The following SLC39A12 variants were observed in gnomAD, a reference collection of about 807,000 sequenced individuals.
The protein encoded by SLC39A12 is solute carrier family 39 member 12.
In SLC39A12, 63 loss-of-function variants were observed where a neutral mutation model predicts 71.1. The observed-to-expected ratio is 0.89, with a 90% CI of 0.72 to 1.09. The LOEUF (loss-of-function observed/expected upper bound fraction) is 1.09, where lower values mean the gene tolerates loss of function less well. SLC39A12 is among the 50% of genes least tolerant of loss of function. The pLI, the probability that SLC39A12 is intolerant of heterozygous loss-of-function variation, is 0.00. For synonymous variants in SLC39A12, 351 were observed against 301.3 expected (o/e 1.16, Z -1.71); for missense variants, 892 against 812.6 (o/e 1.10, Z -1.19).
At chr10:18,007,404 C>G (rs910759588) in intron 12 of SLC39A12, 3 of 152,304 alleles carry the variant, frequency 2.0e-5, no homozygotes, top group Non-Finnish European at 2.9e-5. Context: ...TTCCTTCTCT[C>G]CTCACCATGC....
intron 9 of SLC39A12, 44 bp downstream of exon 9, chr10:17,993,335 T>C: frequency 8.1e-7 from 1 of 1,240,852 alleles, no homozygotes; most frequent in Non-Finnish European, 1.1e-6. Context: ...GATTACCTTC[T>C]CTCCTTTATT....
intron 12 of SLC39A12, among the ~76,000 whole-genome samples, chr10:18,035,927 C>T (rs983528831): frequency 1.3e-5 from 2 of 152,094 alleles, no homozygotes; most frequent in African/African-American, 2.4e-5. Context: ...TCAGTGTGCC[C>T]CTGCTGGGGG....
intron 12 of SLC39A12, among the ~76,000 whole-genome samples, chr10:18,040,305 CA>C (rs1837184936): frequency 6.6e-6 from 1 of 152,072 alleles, no homozygotes; most frequent in African/African-American, 2.4e-5. Context: ...TAAAATGGTC[CA>C]CCCAGGAGAG....
chr10:17,995,634 GT>G, intron 9 of SLC39A12, 21 bp from the exon 10 acceptor site: 1 of 1,606,204 alleles, frequency 6.2e-7, no homozygotes, highest in Non-Finnish European at 8.5e-7. Flanking sequence ...TCTTTCATCA[GT>G]TATTTTTTAA....
At chr10:18,026,218 A>T (rs996369612) in intron 12 of SLC39A12, among the ~76,000 whole-genome samples, 4 of 152,116 alleles carry the variant, frequency 2.6e-5, no homozygotes, top group African/African-American at 9.7e-5. Flanking sequence ...AATTTTTAAC[A>T]TTTCTCAGAA....
chr10:17,952,207 C>A (rs1834417656), intron 1 of SLC39A12, among the ~76,000 whole-genome samples, 182 bp downstream of exon 1: 1 of 152,180 alleles, frequency 6.6e-6, no homozygotes, highest in African/African-American at 2.4e-5. Context: ...ATGCTGTTAA[C>A]ATTTTACATG....
intron 2 of SLC39A12, among the ~76,000 whole-genome samples, chr10:17,955,538 T>C (rs1400737801): frequency 6.6e-6 from 1 of 152,216 alleles, no homozygotes; most frequent in Non-Finnish European, 1.5e-5. Flanking sequence ...CCGAGTCTGT[T>C]CTGTCATCTG....
At chr10:18,004,196 CA>C (rs1835937930) in intron 12 of SLC39A12, 1 of 152,096 alleles carries the variant, frequency 6.6e-6, no homozygotes. Context: ...AAGGTAAAAT[CA>C]TATTGATTAT....
chr10:17,961,904 C>A (rs782403101), intron 3 of SLC39A12, 42 bp downstream of exon 3: 2 of 1,573,060 alleles, frequency 1.3e-6, no homozygotes, highest in South Asian at 1.2e-5. Context: ...TGCTAAGATA[C>A]AGTTCTAGAG....
At chr10:18,017,234 A>G (rs1836411757) in intron 12 of SLC39A12, among the ~76,000 whole-genome samples, 1 of 152,070 alleles carries the variant, frequency 6.6e-6, no homozygotes, top group Non-Finnish European at 1.5e-5. Flanking sequence ...GGTCACCTAG[A>G]TTTCTTTTAT....
At chr10:17,974,294 T>C (rs1835049558) in intron 4 of SLC39A12, among the ~76,000 whole-genome samples, 1 of 152,148 alleles carries the variant, frequency 6.6e-6, no homozygotes, top group Admixed American at 6.5e-5. Flanking sequence ...CGAGGTCATT[T>C]TTTTCCTGGA....
Position 17,981,437 on chromosome 10 carries a change from C to G in SLC39A12, c.1050C>G (p.His350Gln). Reference sequence around the variant, plus strand: ...AGCAGCTCCTCAGCTGCTCCTGCCACTTACCCAAGGACCAACAAGCAAAGC... The same window carrying G: ...AGCAGCTCCTCAGCTGCTCCTGCCAGTTACCCAAGGACCAACAAGCAAAGC... ...IIQQLLSCSC[H>Q]LPKDQQAKLP... is the part of the protein sequence containing the mutation. Residue 350 changes from histidine (H) to glutamine (Q), a missense_variant, in exon 6 of 13, where the codon CAC (histidine) becomes CAG (glutamine). Physicochemically the swap from His to Gln is conservative, Grantham distance 24. Transcript: ENST00000377369. 6.2e-7 allele frequency: 1 copy of G among 1,614,000 alleles called. No individual in the cohort carries two copies. Among genetic ancestry groups the G allele is most frequent in the East Asian group, 2.2e-5 (1 of 44,874 alleles).
intron 12 of SLC39A12, among the ~76,000 whole-genome samples, chr10:18,003,901 C>A (rs535318889): frequency 6.6e-6 from 1 of 152,120 alleles, no homozygotes; most frequent in Non-Finnish European, 1.5e-5. Flanking sequence ...ATAATGATTA[C>A]GTCTTTGAAG....
At chr10:18,019,664 A>C (rs1836477931) in intron 12 of SLC39A12, among the ~76,000 whole-genome samples, 1 of 151,828 alleles carries the variant, frequency 6.6e-6, no homozygotes, top group African/African-American at 2.4e-5. Flanking sequence ...TTCTTAACTC[A>C]TGTGTTATTT....
chr10:17,991,814 C>A (rs895025880), intron 8 of SLC39A12, among the ~76,000 whole-genome samples: 4 of 151,958 alleles, frequency 2.6e-5, no homozygotes, highest in African/African-American at 9.7e-5. Flanking sequence ...ATGGGCCGGG[C>A]GCTGTGGCTC....
At chr10:17,991,424 G>T in intron 8 of SLC39A12, 121 bp downstream of exon 8, 1 of 712,088 alleles carries the variant, frequency 1.4e-6, no homozygotes, top group Non-Finnish European at 2.1e-6. Context: ...CTAATGGAAT[G>T]CTGATTTCAA....
At chr10:17,962,634 A>G (rs1834721362) in intron 3 of SLC39A12, among the ~76,000 whole-genome samples, 1 of 151,726 alleles carries the variant, frequency 6.6e-6, no homozygotes, top group Admixed American at 6.6e-5. Flanking sequence ...TGAATTATTC[A>G]TAAACATGTA....
In SLC39A12 at chr10:18,033,800, T is replaced by G. The variant is rs552821204; in HGVS notation, c.1948-8905T>G. Among the ~76,000 whole-genome samples, 102 of 150,670 alleles carry G rather than the reference T, an allele frequency of 6.8e-4. No homozygotes were observed. The Middle Eastern group carries it at 0.028, about 41-fold the overall frequency. On this transcript the variant is annotated intron_variant, in intron 12 of 12. Transcript: ENST00000377369. ...CTTGTGGGCATTTAGTGCTATAAAT[T>G]TCCCTCTACACACTGCTTTGAATGC... is the stretch of plus-strand genomic sequence containing the variant.
At chr10:18,035,546 C>A (rs576996619) in intron 12 of SLC39A12, among the ~76,000 whole-genome samples, 1 of 151,610 alleles carries the variant, frequency 6.6e-6, no homozygotes, top group African/African-American at 2.4e-5. Context: ...GTTTTACATT[C>A]TTCTAAATTT....
Sources: allele counts gnomAD v4.1 joint callset (sites outside exome capture counted in the v4.1 genomes callset), GRCh38; gene constraint gnomAD v4.1.1; transcripts MANE v1.5; gene names NCBI Gene and HGNC (gene_info 2026-07-23, HGNC 2026-07-21).